SORBS3: variants seen among roughly 807,000 people sequenced by gnomAD.
The protein encoded by SORBS3 is sorbin and SH3 domain containing 3.
A neutral mutation model predicts 98.0 loss-of-function variants in SORBS3; 69 were observed. The observed-to-expected ratio is 0.70, with a 90% confidence interval of 0.58 to 0.86. SORBS3 has a LOEUF of 0.86. SORBS3 is among the 40% of genes least tolerant of loss of function. The pLI is 0.00. For missense variants in SORBS3, 954 were observed against 908.5 expected (o/e 1.05, Z -0.64); for synonymous variants, 394 against 355.4 (o/e 1.11, Z -1.22).
At position 22,556,844 on chromosome 8, in the gene SORBS3, G is replaced by A. The variant is rs775027920; in HGVS notation, c.350G>A (p.Arg117His). The A allele has an allele frequency of 1.4e-5, 22 of 1,613,590 alleles. No homozygotes were observed. Among genetic ancestry groups the A allele is most frequent in the Middle Eastern group, 3.3e-4 (2 of 6,062 alleles). The change falls in exon 4 of 21, where the codon CGC becomes CAC. Residue 117 changes from arginine to histidine, a missense_variant. Physicochemically the swap from Arg to His is conservative, Grantham distance 29. Transcript: ENST00000240123. ...AAGGACAGCAAGCGTCGGGACAAGC[G>A]CTGGGTCAAGTACGAGGGAATCGGG... ...WTKDSKRRDK[R>H]WVKYEGIGPV...
intron 20 of SORBS3, 63 bp from the exon 21 acceptor site, chr8:22,574,604 T>C: frequency 1.3e-6 from 2 of 1,528,036 alleles, no homozygotes; most frequent in Non-Finnish European, 1.8e-6. Flanking sequence ...GGGCAGGCCC[T>C]CACCCCTGCA....
chr8:22,565,945 G>A (rs960962658), intron 12 of SORBS3, 73 bp downstream of exon 12: 5 of 995,574 alleles, frequency 5.0e-6, no homozygotes, highest in East Asian at 3.4e-5. Flanking sequence ...GCGGCCGGGC[G>A]GGGCGGACGG....
intron 20 of SORBS3, 32 bp downstream of exon 20, chr8:22,572,478 G>C (rs376022159): frequency 7.3e-5 from 110 of 1,508,448 alleles, no homozygotes; most frequent in Non-Finnish European, 9.7e-5. Context: ...GGGCATCTCA[G>C]GGCCCCAGGG....
upstream of SORBS3, chr8:22,551,762 TCCAGATCCGAGAC>T: frequency 1.0e-6 from 1 of 984,232 alleles, no homozygotes; most frequent in Non-Finnish European, 1.2e-6. The surrounding 1 kb of genome is among the most constrained non-coding windows in gnomAD (Gnocchi z 5.8). Context: ...CGGCCCGCAG[TCCAGATCCGAGAC>T]CCAAACTCCG....
chr8:22,555,063 G>T (rs1273488808), intron 3 of SORBS3, 83 bp downstream of exon 3: 16 of 1,183,152 alleles, frequency 1.4e-5, no homozygotes, highest in Non-Finnish European at 2.0e-5. Flanking sequence ...AGCGGGAGGG[G>T]CAGCAGCTGG....
At chr8:22,557,295 T>C (rs1285686247) in intron 4 of SORBS3, among the ~76,000 whole-genome samples, 6 of 152,164 alleles carry the variant, frequency 3.9e-5, no homozygotes, top group Non-Finnish European at 8.8e-5. Context: ...GAGTCTTGTG[T>C]GAGAAGGTCT....
chr8:22,567,185 A>T lies in SORBS3; in HGVS notation c.1305+10A>T. The T allele has an allele frequency of 2.0e-6, 3 of 1,506,856 alleles. No individual in the cohort carries two copies. The highest frequency in any genetic ancestry group is 1.4e-5 in the African/African-American group (1 of 72,922). The allele number at this position is 1,506,856 out of a possible 1,614,324, so 93.3% of individuals were successfully genotyped here. A position where few individuals can be genotyped will look rare whatever the true frequency, so the allele number is the denominator to read the frequency against. On this transcript the variant is annotated intron_variant, in intron 16 of 20. Coordinates refer to ENST00000240123, the MANE Select transcript of SORBS3 (RefSeq NM_005775.5). ...TGCTAATTATGTGGAGGTGAGCAGG[A>T]GAGACAAGAGCAAGTGGGGCTGGGC... is the stretch of plus-strand genomic sequence containing the variant.
upstream of SORBS3, chr8:22,551,662 C>CT (rs1840083451): frequency 1.1e-6 from 1 of 910,718 alleles, no homozygotes; most frequent in Admixed American, 6.2e-5. The surrounding 1 kb of genome is among the most constrained non-coding windows in gnomAD (Gnocchi z 5.8). Flanking sequence ...CCCCGCCGGC[C>CT]AGGCCTCCTC....
At chr8:22,563,698 T>TA (rs1396594922) in intron 7 of SORBS3, among the ~76,000 whole-genome samples, 5 of 152,196 alleles carry the variant, frequency 3.3e-5, no homozygotes, top group African/African-American at 1.2e-4. Context: ...GGGCACCTCA[T>TA]ATATGTTCTC....
At chr8:22,556,532 A>T (rs956372161) in intron 3 of SORBS3, among the ~76,000 whole-genome samples, 183 bp from the exon 4 acceptor site, 10 of 152,210 alleles carry the variant, frequency 6.6e-5, no homozygotes, top group African/African-American at 1.4e-4. Context: ...CTCAAGATCA[A>T]ATCCATTTAA....
At chr8:22,566,960 C>T (rs1840441540) in intron 15 of SORBS3, 92 bp downstream of exon 15, 2 of 1,555,598 alleles carry the variant, frequency 1.3e-6, no homozygotes, top group Non-Finnish European at 1.8e-6. Flanking sequence ...CAGTGGGCAT[C>T]CCCAAGGGGT....
At chr8:22,566,545 C>G in intron 13 of SORBS3, 61 bp downstream of exon 13, 1 of 1,591,824 alleles carries the variant, frequency 6.3e-7, no homozygotes. Flanking sequence ...CATGTTGGTG[C>G]CCCAGGGGTG....
rs866310221 is a variant in SORBS3, at chr8:22,571,166, C to T, written c.1688C>T (p.Ser563Phe). The change falls in exon 18 of 21, where the codon TCC becomes TTC. Residue 563 changes from serine (S) to phenylalanine (F), a missense_variant. Physicochemically the swap from Ser to Phe is radical, Grantham distance 155 (BLOSUM62 -2). Coordinates refer to ENST00000240123, the MANE Select transcript of SORBS3 (RefSeq NM_005775.5). ...ADPIDLGGQTSPRRTGFSFPT... is the reference protein window; with the variant it reads ...ADPIDLGGQTFPRRTGFSFPT... Reference sequence around the variant, plus strand: ...CCCATCGACTTGGGGGGACAGACCTCCCCCCGTCGCACTGGCTTCTCCTTC... The same window carrying T: ...CCCATCGACTTGGGGGGACAGACCTTCCCCCGTCGCACTGGCTTCTCCTTC... The T allele has an allele frequency of 7.0e-6, 11 of 1,580,568 alleles. No homozygotes were observed. The highest frequency in any genetic ancestry group is 2.3e-5 in the East Asian group (1 of 44,382).
At chr8:22,568,636 T>C (rs1033292729) in intron 16 of SORBS3, among the ~76,000 whole-genome samples, 1 of 152,242 alleles carries the variant, frequency 6.6e-6, no homozygotes, top group East Asian at 1.9e-4. Context: ...AATGGTTTAT[T>C]GGCTGCTTGA....
At chr8:22,561,670 G>GT (rs1840298378) in intron 6 of SORBS3, 195 bp from the exon 7 acceptor site, 1 of 623,300 alleles carries the variant, frequency 1.6e-6, no homozygotes, top group South Asian at 1.9e-5. Flanking sequence ...TTTTGAAGAT[G>GT]TAGTAAATGT....
intron 7 of SORBS3, among the ~76,000 whole-genome samples, chr8:22,563,548 G>C (rs1234346806): frequency 6.6e-6 from 1 of 152,216 alleles, no homozygotes; most frequent in Non-Finnish European, 1.5e-5. Flanking sequence ...AGAAAGACCA[G>C]CTTCTTCAAA....
At chr8:22,565,762 G>T in intron 11 of SORBS3, 64 bp from the exon 12 acceptor site, 1 of 1,290,380 alleles carries the variant, frequency 7.7e-7, no homozygotes, top group East Asian at 3.3e-5. Flanking sequence ...TTCCGGAGGC[G>T]GCGGCCTCGG....
chr8:22,574,245 C>G (rs770609922), intron 20 of SORBS3, among the ~76,000 whole-genome samples: 29 of 152,176 alleles, frequency 1.9e-4, no homozygotes, highest in Non-Finnish European at 2.1e-4. Flanking sequence ...CAAGCTTACT[C>G]CTAAGCGTCG....
chr8:22,559,067 G>C (rs1341329701), intron 5 of SORBS3, among the ~76,000 whole-genome samples: 1 of 152,240 alleles, frequency 6.6e-6, no homozygotes, highest in African/African-American at 2.4e-5. Context: ...GAGCCACTGA[G>C]CGGAAGAGTG....
Sources: gnomAD v4.1 joint callset for allele counts (sites outside exome capture counted in the v4.1 genomes callset) on GRCh38, gnomAD v4.1.1 for gene constraint, Gnocchi (gnomAD v3.1) non-coding constraint, MANE v1.5 for transcripts, NCBI Gene and HGNC (gene_info 2026-07-23, HGNC 2026-07-21) for gene names.